ATP8B3: variants seen among roughly 807,000 people sequenced by gnomAD.
The protein encoded by ATP8B3 is ATPase phospholipid transporting 8B3.
In ATP8B3, 141 loss-of-function variants were observed where a neutral mutation model predicts 140.9. The observed-to-expected ratio is 1.00, with a 90% CI of 0.87 to 1.15. The LOEUF is 1.15. Among genes scored for constraint, ATP8B3 ranks in the 50% most tolerant of loss-of-function variants. The pLI is 0.00. For synonymous variants in ATP8B3, 765 were observed against 714.6 expected (o/e 1.07, Z -1.13); for missense variants, 1,874 against 1,740.6 (o/e 1.08, Z -1.36).
chr19:1,798,206 G>C (rs1457155731), intron 14 of ATP8B3, among the ~76,000 whole-genome samples: 2 of 151,512 alleles, frequency 1.3e-5, no homozygotes, highest in Non-Finnish European at 2.9e-5. Context: ...CCTGACCTCA[G>C]GTGATCCACC....
intron 14 of ATP8B3, chr19:1,799,738 TG>T: frequency 1.7e-6 from 1 of 604,972 alleles, no homozygotes; most frequent in Non-Finnish European, 2.9e-6. Flanking sequence ...CATTCCTGCC[TG>T]GGTAGACAGA....
At chr19:1,785,761 C>T (rs2068287255) in intron 25 of ATP8B3, 53 bp from the exon 26 acceptor site, 2 of 1,389,678 alleles carry the variant, frequency 1.4e-6, no homozygotes, top group Non-Finnish European at 2.0e-6. Context: ...GGACACCCAA[C>T]AGAGATCAGG....
rs1053339495 is a variant in ATP8B3, at chr19:1,790,929, T to C, written c.2303-97A>G. On this transcript the variant is annotated intron_variant, in intron 20 of 28. Transcript: ENST00000310127. The stretch of plus-strand genomic sequence containing the variant: ...GCCCGGTGAATCCTGGCCCGACCAA[T>C]GGCAGCCACATGCCCCACCCCCTGG... 3 of 919,064 alleles carry C rather than the reference T, an allele frequency of 3.3e-6. No homozygotes were observed. The Admixed American group carries it at 7.6e-5, about 23-fold the overall frequency. 56.9% of individuals were successfully genotyped at this position (919,064 alleles called of 1,614,324 possible).
intron 24 of ATP8B3, among the ~76,000 whole-genome samples, chr19:1,787,728 TA>T (rs561418063): frequency 3.1e-3 from 373 of 119,438 alleles, no homozygotes; most frequent in Non-Finnish European, 4.7e-3. Flanking sequence ...AAACTCTGTC[TA>T]AAAAAAAAAA....
At chr19:1,809,914 C>T (rs753156322) in intron 3 of ATP8B3, among the ~76,000 whole-genome samples, 180 bp from the exon 4 acceptor site, 1 of 152,224 alleles carries the variant, frequency 6.6e-6, no homozygotes, top group Non-Finnish European at 1.5e-5. Context: ...CCAGACCCTG[C>T]CCATAGTTGG....
In ATP8B3 at chr19:1,807,088, C is replaced by T. The variant is rs1228882963; in HGVS notation, c.615+80G>A. The T allele has an allele frequency of 1.5e-6, 2 of 1,303,064 alleles. No individual in the cohort carries two copies. Among genetic ancestry groups the T allele is most frequent in the East Asian group, 4.6e-5 (2 of 43,190 alleles). The allele number at this position is 1,303,064 out of a possible 1,614,324, so 80.7% of individuals were successfully genotyped here. A position where few individuals can be genotyped will look rare whatever the true frequency, so the allele number is the denominator to read the frequency against. On this transcript the variant is annotated intron_variant, in intron 6 of 28. Transcript: ENST00000310127. This position sits in a 1 kb window ranked among gnomAD's most constrained non-coding sequence, Gnocchi z 5.9. The stretch of plus-strand genomic sequence containing the variant: ...TGCTCCAGGAAGCCCAGCCCTCCTC[C>T]CACTCTCGCCCAGGGATCAAGAGAC...
At position 1,790,843 on chromosome 19, in the gene ATP8B3, G is replaced by C. The variant is rs1002285302; in HGVS notation, c.2303-11C>G. 4.4e-6 allele frequency: 7 copies of C among 1,588,816 alleles called. No homozygotes were observed. The highest frequency in any genetic ancestry group is 3.4e-6 in the Non-Finnish European group (4 of 1,169,912). On this transcript the variant is annotated splice_polypyrimidine_tract_variant and intron_variant, in intron 20 of 28. Coordinates refer to ENST00000310127, the MANE Select transcript of ATP8B3 (RefSeq NM_138813.4). ...TGTTCACAGCCGTTTCTGCGAAGCA[G>C]ACCAGCTCAGCGCCTCTGCGACCCG... is the stretch of plus-strand genomic sequence containing the variant.
chr19:1,783,221 G>C lies in ATP8B3; in HGVS notation c.3710C>G (p.Pro1237Arg), dbSNP rs746054328. The C allele has an allele frequency of 1.2e-6, 2 of 1,612,152 alleles. No individual in the cohort carries two copies. The highest frequency in any genetic ancestry group is 8.5e-7 in the Non-Finnish European group (1 of 1,179,186). Residue 1237 changes from proline (P) to arginine (R), a missense_variant, in exon 29 of 29, where the codon CCC (proline) becomes CGC (arginine). Physicochemically the swap from Pro to Arg is moderately radical, Grantham distance 103. This residue lies in a region of ATP8B3 where 840 missense variants were observed against 760.9 expected (regional missense o/e 1.10). Transcript: ENST00000310127. ...AGACTCCCGGTGTACATGAGGCAAG[G>C]GCTCCATGGTGAAAATCTCCTCGCT... is the stretch of plus-strand genomic sequence containing the variant. ...GPSEEIFTME[P>R]LPHVHRESRA...
At chr19:1,810,940 C>T (rs1414833496) in intron 2 of ATP8B3, among the ~76,000 whole-genome samples, 1 of 152,330 alleles carries the variant, frequency 6.6e-6, no homozygotes, top group South Asian at 2.1e-4. Flanking sequence ...CCGCCAGCCA[C>T]CCTGGTCGCC....
In ATP8B3 at chr19:1,789,893, G is replaced by A. The variant is rs752480501; in HGVS notation, c.2475C>T (p.Phe825=). 6.2e-7 allele frequency: 1 copy of A among 1,611,480 alleles called. No individual in the cohort carries two copies. The highest frequency in any genetic ancestry group is 8.5e-7 in the Non-Finnish European group (1 of 1,179,086). The part of the protein sequence containing the change: ...VKLALVINGD[F]LDKLLVSLRK... ...GTCCACCCTGAGCGACACTGACCAG[G>A]AAGTCTCCGTTAATGACCAAGGCCA... is the stretch of plus-strand genomic sequence containing the variant. Residue 825 remains phenylalanine, a synonymous_variant, in exon 22 of 29, where the codon TTC becomes TTT. Transcript: ENST00000310127.
chr19:1,789,598 A>C lies in ATP8B3; in HGVS notation c.2608T>G (p.Cys870Gly), dbSNP rs1434070817. 1 of 1,592,524 alleles carries C rather than the reference A, an allele frequency of 6.3e-7. No homozygotes were observed. Residue 870 changes from cysteine to glycine, a missense_variant, in exon 23 of 29, where the codon TGC becomes GGC. Cys to Gly is a radical substitution (Grantham distance 159). Around this residue, in one of 3 missense-constraint regions of ATP8B3, gnomAD observed 840 missense variants for 760.9 expected, o/e 1.10. Coordinates refer to ENST00000310127, the MANE Select transcript of ATP8B3 (RefSeq NM_138813.4). The part of the protein sequence containing the change: ...FLYARRLSLL[C>G]RRFGLPLAAP... ...GCCAGCGGGAGCCCGAACCTCCGGC[A>C]CAGCAGGGACAGGCGCCTGGCGTAG...
In ATP8B3 at chr19:1,800,962, G is replaced by A. The variant is rs966833966; in HGVS notation, c.1153-513C>T. Among the ~76,000 whole-genome samples the A allele has an allele frequency of 2.7e-5, 4 of 150,862 alleles. No homozygotes were observed. Among genetic ancestry groups the A allele is most frequent in the African/African-American group, 9.8e-5 (4 of 40,994 alleles). On this transcript the variant is annotated intron_variant, in intron 12 of 28. Transcript: ENST00000310127. This position sits in a 1 kb window ranked among gnomAD's most constrained non-coding sequence, Gnocchi z 4.4. Reference sequence around the variant, plus strand: ...TCCTGCCTCAGCCTCCCGAGTAGCTGGGACTACAGGCGCCCGCCACCACGC... The same window carrying A: ...TCCTGCCTCAGCCTCCCGAGTAGCTAGGACTACAGGCGCCCGCCACCACGC...
chr19:1,796,366 G>A, intron 16 of ATP8B3, 101 bp from the exon 17 acceptor site: 1 of 1,172,656 alleles, frequency 8.5e-7, no homozygotes, highest in Non-Finnish European at 1.2e-6. Flanking sequence ...CACCTTTATT[G>A]ATGGTGGCCG....
At position 1,785,728 on chromosome 19, in the gene ATP8B3, C is replaced by A; in HGVS notation, c.3154-20G>T. ...CACGTCCTTGGGGCAAGCAGAAGCT[C>A]TTGGGATTGGGTGGGGGGCGGGGGA... On this transcript the variant is annotated intron_variant, in intron 25 of 28. Transcript: ENST00000310127. 1 of 1,533,266 alleles carries A rather than the reference C, an allele frequency of 6.5e-7. No individual in the cohort carries two copies. The allele number at this position is 1,533,266 out of a possible 1,614,324, so 95.0% of individuals were successfully genotyped here.
intron 3 of ATP8B3, 73 bp from the exon 4 acceptor site, chr19:1,809,807 G>A (rs1385283448): frequency 8.8e-6 from 12 of 1,370,898 alleles, no homozygotes; most frequent in Non-Finnish European, 1.2e-5. Context: ...GCCCGGAGGA[G>A]GGCTCATGGG....
In ATP8B3 at chr19:1,793,806, G is replaced by A. The variant is rs181853015; in HGVS notation, c.2056-1671C>T. On this transcript the variant is annotated intron_variant, in intron 18 of 28. Coordinates refer to ENST00000310127, the MANE Select transcript of ATP8B3 (RefSeq NM_138813.4). ...TGCCCAGGCTGGAGTGTAGTGGCGC[G>A]ATCTTGGCTCACTGCAAGCTCTGCC... Among the ~76,000 whole-genome samples the A allele has an allele frequency of 3.8e-3, 574 of 152,156 alleles. 5 individuals carry two copies. The highest frequency in any genetic ancestry group is 0.012 in the African/African-American group (517 of 41,478).
At position 1,789,138 on chromosome 19, in the gene ATP8B3, C is replaced by T. The variant is rs748479745; in HGVS notation, c.2846-18G>A. ...GTCCGCGGCTGCAGGGCACAAGCAG[C>T]TGGTCAGCCCCCCGCACGCCCCCAG... On this transcript the variant is annotated intron_variant, in intron 23 of 28. Coordinates refer to ENST00000310127, the MANE Select transcript of ATP8B3 (RefSeq NM_138813.4). The T allele has an allele frequency of 1.3e-6, 2 of 1,547,226 alleles. No individual in the cohort carries two copies. The highest frequency in any genetic ancestry group is 1.7e-6 in the Non-Finnish European group (2 of 1,152,852).
At chr19:1,809,281 G>A (rs769576785) in intron 4 of ATP8B3, among the ~76,000 whole-genome samples, 6 of 150,744 alleles carry the variant, frequency 4.0e-5, no homozygotes, top group Admixed American at 3.3e-4. Context: ...TCAGGAGTTC[G>A]AGACCAGCCT....
At chr19:1,799,492 G>A (rs1386130902) in intron 14 of ATP8B3, 47 of 281,496 alleles carry the variant, frequency 1.7e-4, no homozygotes, top group Non-Finnish European at 2.9e-4. Context: ...TCGGCCGGGC[G>A]TGGTGGCTCA....
Sources: allele counts gnomAD v4.1 joint callset (sites outside exome capture counted in the v4.1 genomes callset), GRCh38; gene constraint gnomAD v4.1.1; regional missense constraint gnomAD v4.1.1; non-coding constraint Gnocchi (gnomAD v3.1); transcripts MANE v1.5; gene names NCBI Gene and HGNC (gene_info 2026-07-23, HGNC 2026-07-21).